MICAL3: variants seen among roughly 807,000 people sequenced by gnomAD.
MICAL3 encodes the protein microtubule associated monooxygenase, calponin and LIM domain containing 3, also known as [F-actin]-monooxygenase MICAL3.
A neutral mutation model predicts 207.4 loss-of-function variants in MICAL3; 62 were observed. That is an observed-to-expected ratio of 0.30 (90% CI 0.24 to 0.37). The LOEUF is 0.37. Among genes scored for constraint, MICAL3 ranks in the 10% least tolerant of loss-of-function variants. The pLI is 1.00. For synonymous variants in MICAL3, 1,077 were observed against 1,069.3 expected, an observed-to-expected ratio of 1.01 and a Z score of -0.14; for missense variants, 2,368 against 2,635.6, an observed-to-expected ratio of 0.90 and a Z score of 2.22.
At chr22:17,851,756 T>C (rs1275322157) in intron 19 of MICAL3, among the ~76,000 whole-genome samples, 1 of 152,110 alleles carries the variant, frequency 6.6e-6, no homozygotes, top group Non-Finnish European at 1.5e-5. Flanking sequence ...GGAGAGAAAT[T>C]CTGACGAAGA....
chr22:17,790,932 G>A lies in MICAL3; in HGVS notation c.5825-16C>T. On this transcript the variant is annotated splice_polypyrimidine_tract_variant and intron_variant, in intron 31 of 31. Coordinates refer to ENST00000441493, the MANE Select transcript of MICAL3 (RefSeq NM_015241.3). ...TTAAGGTGATCTTGAAGGAGAAGAA[G>A]GCATGAGGTGAGGGGCCTGGAGGTG... is the stretch of plus-strand genomic sequence containing the variant. 6.2e-7 allele frequency: 1 copy of A among 1,613,480 alleles called. No homozygotes were observed. Among genetic ancestry groups the A allele is most frequent in the Non-Finnish European group, 8.5e-7 (1 of 1,179,850 alleles).
chr22:17,950,221 G>A (rs1285305630), intron 1 of MICAL3, among the ~76,000 whole-genome samples: 1 of 150,804 alleles, frequency 6.6e-6, no homozygotes, highest in Non-Finnish European at 1.5e-5. Context: ...GAATGCAGTG[G>A]CGCTATCTTG....
chr22:17,841,986 G>A lies in MICAL3; in HGVS notation c.2637C>T (p.Ser879=). 6.2e-7 allele frequency: 1 copy of A among 1,605,358 alleles called. No homozygotes were observed. Among genetic ancestry groups the A allele is most frequent in the South Asian group, 1.1e-5 (1 of 90,862 alleles). The change falls in exon 20 of 32, where the codon AGC becomes AGT. Residue 879 remains serine (S), a synonymous_variant. Transcript: ENST00000441493. The surrounding 1 kb of genome is among the most constrained non-coding windows in gnomAD (Gnocchi z 4.2). The stretch of plus-strand genomic sequence containing the variant: ...GGGTGCCCCTCAGTCGCTTGGCGAT[G>A]CTGGGCTCCTCCAGGCCGTTCACGC... ...GSGVNGLEEP[S]IAKRLRGTPE...
intron 1 of MICAL3, among the ~76,000 whole-genome samples, chr22:17,922,708 C>T (rs1932829143): frequency 6.6e-6 from 1 of 152,106 alleles, no homozygotes; most frequent in African/African-American, 2.4e-5. Context: ...TTGGTGAGCA[C>T]AGCCTTGTTC....
intron 26 of MICAL3, 102 bp downstream of exon 26, chr22:17,817,209 C>T (rs929367664): frequency 3.1e-5 from 43 of 1,387,606 alleles, no homozygotes; most frequent in East Asian, 7.5e-5. Flanking sequence ...TGAGAACCCT[C>T]GGCGGGGAGC....
At chr22:18,001,572 C>G (rs577674064) in intron 1 of MICAL3, 4 of 152,306 alleles carry the variant, frequency 2.6e-5, no homozygotes, top group Admixed American at 2.6e-4. Flanking sequence ...CCACGGGACC[C>G]CAGCCTCGGG....
chr22:17,955,595 TCA>T (rs1934572143), intron 1 of MICAL3, among the ~76,000 whole-genome samples: 1 of 152,214 alleles, frequency 6.6e-6, no homozygotes, highest in South Asian at 2.1e-4. Context: ...CTACACTCAC[TCA>T]CACACTTATT....
intron 1 of MICAL3, among the ~76,000 whole-genome samples, chr22:17,933,950 A>G (rs770713982): frequency 5.3e-5 from 8 of 150,276 alleles, no homozygotes; most frequent in Admixed American, 2.0e-4. Context: ...GAATAGACCA[A>G]TAACAGTCTC....
chr22:17,812,680 G>A (rs2145994520), intron 27 of MICAL3: 2 of 301,802 alleles, frequency 6.6e-6, no homozygotes, highest in African/African-American at 4.5e-5. Context: ...AAACACACAA[G>A]ACTTAAAACA....
intron 20 of MICAL3, among the ~76,000 whole-genome samples, chr22:17,839,418 G>A (rs1026270040): frequency 6.6e-6 from 1 of 151,408 alleles, no homozygotes; most frequent in African/African-American, 2.4e-5. Context: ...CACCACACCT[G>A]GCAAGTTTTT....
intron 7 of MICAL3, among the ~76,000 whole-genome samples, chr22:17,898,392 C>A (rs148991537): frequency 1.3e-5 from 2 of 152,364 alleles, no homozygotes; most frequent in African/African-American, 4.8e-5. Context: ...TGTCCTGGTT[C>A]TCCCTGAAAG....
chr22:17,843,295 T>C (rs1687211911), intron 19 of MICAL3, among the ~76,000 whole-genome samples: 1 of 152,212 alleles, frequency 6.6e-6, no homozygotes, highest in Admixed American at 6.5e-5. Flanking sequence ...ACAGTTCTGC[T>C]GCCTCCCTTA....
intron 1 of MICAL3, among the ~76,000 whole-genome samples, chr22:17,997,527 C>T (rs753189987): frequency 5.3e-5 from 8 of 152,186 alleles, no homozygotes; most frequent in Non-Finnish European, 1.0e-4. Flanking sequence ...TAAAGCCCGT[C>T]CAACCCCACC....
At chr22:17,896,206 A>T (rs754629465) in intron 9 of MICAL3, 40 bp downstream of exon 9, 1 of 1,178,734 alleles carries the variant, frequency 8.5e-7, no homozygotes, top group Non-Finnish European at 1.2e-6. Flanking sequence ...CCTTCTTCCC[A>T]GTTTTCTCAT....
intron 28 of MICAL3, 54 bp from the exon 29 acceptor site, chr22:17,808,991 GA>G (rs1287487119): frequency 1.7e-5 from 24 of 1,422,234 alleles, no homozygotes; most frequent in African/African-American, 2.8e-5. Flanking sequence ...GCTTCAGGAG[GA>G]CACACAACTC....
At chr22:17,983,182 C>A (rs778421542) in intron 1 of MICAL3, 1 of 152,188 alleles carries the variant, frequency 6.6e-6, no homozygotes, top group South Asian at 2.1e-4. Flanking sequence ...TGTGACCCAC[C>A]GCGCGTGGCC....
At chr22:17,950,224 C>T (rs1934267701) in intron 1 of MICAL3, among the ~76,000 whole-genome samples, 2 of 150,814 alleles carry the variant, frequency 1.3e-5, no homozygotes, top group Admixed American at 6.6e-5. Context: ...TGCAGTGGCG[C>T]TATCTTGGCT....
intron 1 of MICAL3, among the ~76,000 whole-genome samples, chr22:17,932,419 G>A (rs1470931715): frequency 6.6e-6 from 1 of 152,138 alleles, no homozygotes; most frequent in Non-Finnish European, 1.5e-5. Context: ...TTACAGACGA[G>A]CAAATGCTGA....
chr22:17,906,583 T>C lies in MICAL3; in HGVS notation c.230A>G (p.Asp77Gly). 1 of 1,612,824 alleles carries C rather than the reference T, an allele frequency of 6.2e-7. No individual in the cohort carries two copies. ...AGTGCACGCTTTTCCCTTTTTGTAG[T>C]CTTTGTGACTGCCCCGTTTGTCCAA... ...AKLDKRGSHK[D>G]YKKGKACTNT... is the part of the protein sequence containing the mutation. The change falls in exon 2 of 32, where the codon GAC (aspartate) becomes GGC (glycine). Residue 77 changes from aspartate (D) to glycine (G), a missense_variant. Asp to Gly is a moderately conservative substitution (Grantham distance 94). Transcript: ENST00000441493.
Sources: gnomAD v4.1 joint callset for allele counts (sites outside exome capture counted in the v4.1 genomes callset) on GRCh38, gnomAD v4.1.1 for gene constraint, Gnocchi (gnomAD v3.1) non-coding constraint, MANE v1.5 for transcripts, NCBI Gene and HGNC (gene_info 2026-07-23, HGNC 2026-07-21) for gene names.